SUPT3H: variants seen among roughly 807,000 people sequenced by gnomAD.
SUPT3H encodes the protein transcription initiation protein SPT3 homolog.
A neutral mutation model predicts 44.3 loss-of-function variants in SUPT3H; 44 were observed. That is an observed-to-expected ratio of 0.99 (90% confidence interval 0.78 to 1.28). SUPT3H has a LOEUF of 1.28. Ranked by LOEUF, SUPT3H falls within the 50% of genes most tolerant of loss-of-function variation. The pLI, the probability that SUPT3H is intolerant of heterozygous loss-of-function variation, is 0.00. For synonymous variants in SUPT3H, 124 were observed against 125.6 expected, an observed-to-expected ratio of 0.99 and a Z score of 0.09; for missense variants, 380 against 387.1, an observed-to-expected ratio of 0.98 and a Z score of 0.15.
intron 2 of SUPT3H, among the ~76,000 whole-genome samples, chr6:45,171,650 A>G (rs1037529944): frequency 2.0e-5 from 3 of 152,052 alleles, no homozygotes; most frequent in African/African-American, 4.8e-5. Context: ...TAGCTGTCAT[A>G]AAATGCAGAC....
chr6:45,179,442 C>T (rs1375586363), intron 2 of SUPT3H, among the ~76,000 whole-genome samples: 2 of 152,176 alleles, frequency 1.3e-5, no homozygotes, highest in African/African-American at 4.8e-5. Flanking sequence ...GAATTTTAGA[C>T]CAATATCCTT....
intron 7 of SUPT3H, among the ~76,000 whole-genome samples, chr6:44,961,239 C>T (rs1035007801): frequency 1.3e-5 from 2 of 152,120 alleles, no homozygotes; most frequent in African/African-American, 2.4e-5. Flanking sequence ...AGAGCATGTA[C>T]TAATAAATTT....
chr6:44,839,763 G>A (rs1251630573), intron 10 of SUPT3H, among the ~76,000 whole-genome samples: 1 of 151,218 alleles, frequency 6.6e-6, no homozygotes, highest in Non-Finnish European at 1.5e-5. Context: ...GTGCAGTGGC[G>A]CCATCTCGGC....
At chr6:45,310,848 T>C (rs1489771143) in intron 2 of SUPT3H, among the ~76,000 whole-genome samples, 1 of 152,140 alleles carries the variant, frequency 6.6e-6, no homozygotes, top group Non-Finnish European at 1.5e-5. Flanking sequence ...AAATCAACCC[T>C]GGTAATATGA....
rs146767255 is a variant in SUPT3H at position 45,223,049 on chromosome 6, T to C, written c.102-117043A>G. On this transcript the variant is annotated intron_variant, in intron 2 of 10. Transcript: ENST00000371459. ...ATGGGATAGGGAAAGAGGTAGAGAA[T>C]ATGAGAGAAGAGTTGGTGGAGGCTA... is the stretch of plus-strand genomic sequence containing the variant. Among the ~76,000 whole-genome samples the C allele has an allele frequency of 2.0e-3, 310 of 151,896 alleles. 2 individuals carry two copies. The highest frequency in any genetic ancestry group is 6.4e-3 in the African/African-American group (265 of 41,446).
intron 2 of SUPT3H, chr6:45,328,632 C>G: frequency 6.2e-7 from 1 of 1,608,906 alleles, no homozygotes; most frequent in South Asian, 1.1e-5. Flanking sequence ...AAAACTAAAA[C>G]AAGGTTTGGG....
At chr6:45,266,706 C>G (rs1775321709) in intron 2 of SUPT3H, among the ~76,000 whole-genome samples, 1 of 151,956 alleles carries the variant, frequency 6.6e-6, no homozygotes, top group East Asian at 1.9e-4. Flanking sequence ...TATTCAGAGA[C>G]ACTATATTCA....
At chr6:45,017,647 G>T (rs1414874227) in intron 4 of SUPT3H, among the ~76,000 whole-genome samples, 1 of 150,714 alleles carries the variant, frequency 6.6e-6, no homozygotes, top group Non-Finnish European at 1.5e-5. Context: ...TCAAAGACCA[G>T]ATAGTTGTAG....
rs570854545 is a variant in SUPT3H at position 45,134,301 on chromosome 6, A to G, written c.102-28295T>C. Reference sequence around the variant, plus strand: ...ATCCATTCAGGGAGACAAAGCCCTCATGAACTGATCACCTCTTATTAGGCT... The same window carrying G: ...ATCCATTCAGGGAGACAAAGCCCTCGTGAACTGATCACCTCTTATTAGGCT... On this transcript the variant is annotated intron_variant, in intron 2 of 10. Coordinates refer to ENST00000371459, the MANE Select transcript of SUPT3H (RefSeq NM_003599.4). Among the ~76,000 whole-genome samples the G allele has an allele frequency of 1.8e-3, 269 of 152,330 alleles. 1 individual carries two copies. The highest frequency in any genetic ancestry group is 3.0e-3 in the Non-Finnish European group (201 of 68,020).
chr6:45,284,826 A>G (rs978871756), intron 2 of SUPT3H, among the ~76,000 whole-genome samples: 4 of 152,340 alleles, frequency 2.6e-5, no homozygotes, highest in South Asian at 4.1e-4. Flanking sequence ...TCTGATGAAC[A>G]TCGATACAAA....
At chr6:45,258,428 T>C (rs1773769404) in intron 2 of SUPT3H, among the ~76,000 whole-genome samples, 1 of 152,236 alleles carries the variant, frequency 6.6e-6, no homozygotes, top group Admixed American at 6.5e-5. Flanking sequence ...ATCAGGGCTC[T>C]TCGAGAAAGG....
In SUPT3H at chr6:45,086,318, C is replaced by T. The variant is rs183763888; in HGVS notation, c.186+19604G>A. 2.2e-3 allele frequency among the ~76,000 whole-genome samples: 331 copies of T among 152,070 alleles called. 1 individual carries two copies. The highest frequency in any genetic ancestry group is 2.4e-3 in the Non-Finnish European group (163 of 67,898). On this transcript the variant is annotated intron_variant, in intron 3 of 10. Transcript: ENST00000371459. ...TAGTTGTGTAAAATCGGATATTAAT[C>T]GACACCTTTAAACCTTATTACTAGG...
intron 10 of SUPT3H, among the ~76,000 whole-genome samples, chr6:44,891,947 A>C (rs1190071847): frequency 6.6e-6 from 1 of 152,072 alleles, no homozygotes. Flanking sequence ...TAAGTGTCCT[A>C]ATAAAATCTT....
intron 2 of SUPT3H, among the ~76,000 whole-genome samples, chr6:45,197,008 A>C (rs982563199): frequency 6.6e-6 from 1 of 151,750 alleles, no homozygotes; most frequent in African/African-American, 2.4e-5. Context: ...GAAGAAAAAA[A>C]AATCCCTGGT....
chr6:44,958,031 G>A (rs1451798178), intron 7 of SUPT3H, among the ~76,000 whole-genome samples: 1 of 152,142 alleles, frequency 6.6e-6, no homozygotes, highest in Admixed American at 6.5e-5. Context: ...ATCAAGAGGT[G>A]AGAGGGGCCT....
At chr6:45,284,417 CA>C (rs2153668792) in intron 2 of SUPT3H, among the ~76,000 whole-genome samples, 1 of 152,212 alleles carries the variant, frequency 6.6e-6, no homozygotes, top group African/African-American at 2.4e-5. Context: ...GGGATATCAC[CA>C]CTGATCCCAC....
intron 2 of SUPT3H, among the ~76,000 whole-genome samples, chr6:45,227,269 T>C (rs973972700): frequency 6.6e-6 from 1 of 151,790 alleles, no homozygotes; most frequent in Non-Finnish European, 1.5e-5. Flanking sequence ...AAAATAATTA[T>C]GAAAAATTAT....
At chr6:45,199,037 C>A (rs1285015) in intron 2 of SUPT3H, among the ~76,000 whole-genome samples, 3,080 of 151,316 alleles carry the variant, frequency 0.02, 43 homozygotes, top group Non-Finnish European at 0.033. Context: ...ATAATTACAT[C>A]TTTTACTAGT....
intron 10 of SUPT3H, among the ~76,000 whole-genome samples, chr6:44,879,078 C>T (rs967141560): frequency 6.6e-6 from 1 of 152,106 alleles, no homozygotes; most frequent in Non-Finnish European, 1.5e-5. Flanking sequence ...GAGACAGAAC[C>T]ATTCACTGCC....
Sources: allele counts gnomAD v4.1 joint callset (sites outside exome capture counted in the v4.1 genomes callset), GRCh38; gene constraint gnomAD v4.1.1; transcripts MANE v1.5; gene names NCBI Gene and HGNC (gene_info 2026-07-23, HGNC 2026-07-21).